The following KAT6B variants were observed in gnomAD, a reference collection of about 807,000 sequenced individuals.
KAT6B encodes histone acetyltransferase KAT6B.
A neutral mutation model predicts 187.5 loss-of-function variants in KAT6B; 10 were observed. That is an observed-to-expected ratio of 0.05 (90% confidence interval 0.03 to 0.09). The LOEUF (loss-of-function observed/expected upper bound fraction) is 0.09. KAT6B is among the 10% of genes least tolerant of loss of function. KAT6B has a pLI of 1.00. For synonymous variants in KAT6B, 861 were observed against 926.8 expected (o/e 0.93, Z 1.29); for missense variants, 1,952 against 2,558.9 (o/e 0.76, Z 5.12).
intron 4 of KAT6B, among the ~76,000 whole-genome samples, chr10:74,964,983 T>G (rs1424383222): frequency 6.6e-6 from 1 of 152,252 alleles, no homozygotes; most frequent in Non-Finnish European, 1.5e-5. Flanking sequence ...TTCACCCTTT[T>G]TCCTCCAATC....
chr10:74,827,130 G>C (rs1177061754), intron 1 of KAT6B: 2 of 152,542 alleles, frequency 1.3e-5, no homozygotes, highest in Non-Finnish European at 2.9e-5. Context: ...AGCGGTGGGG[G>C]GCCGGCGAGG....
Position 75,020,778 on chromosome 10 carries a change from G to A in KAT6B, c.2826G>A (p.Leu942=). Residue 942 remains leucine, a synonymous_variant, in exon 14 of 18, where the codon CTG becomes CTA. Transcript: ENST00000287239. ...GMCPHDIATT[L]QHLHMIDKRD... ...GCCCACATGACATTGCCACCACTCT[G>A]CAGCACCTCCACATGATCGACAAGA... is the stretch of plus-strand genomic sequence containing the variant. The A allele has an allele frequency of 6.2e-7, 1 of 1,614,170 alleles. No individual in the cohort carries two copies. The highest frequency in any genetic ancestry group is 8.5e-7 in the Non-Finnish European group (1 of 1,180,030).
intron 3 of KAT6B, among the ~76,000 whole-genome samples, chr10:74,854,821 A>C (rs1368161516): frequency 1.3e-5 from 2 of 152,220 alleles, no homozygotes; most frequent in African/African-American, 4.8e-5. Context: ...TATTAGAAAC[A>C]GCATAGGCGT....
At chr10:75,012,603 C>T (rs559183849) in intron 13 of KAT6B, among the ~76,000 whole-genome samples, 8 of 152,298 alleles carry the variant, frequency 5.3e-5, no homozygotes, top group African/African-American at 1.4e-4. Context: ...CAGAGGTCTA[C>T]GCTTCTCAAC....
chr10:74,842,624 T>TTCTTC lies in KAT6B; in HGVS notation c.-233_-229dup. Reference sequence around the variant, plus strand: ...GGTCTTGATTTCCCAGTTAAAGATGTTCTTCACCCGAATGCAGTCTTTCCT... The same window carrying TTCTTC: ...GGTCTTGATTTCCCAGTTAAAGATGTTCTTCTCTTCACCCGAATGCAGTCTTTCCT... On this transcript the variant is annotated 5_prime_UTR_variant, in exon 3 of 18. The change abolishes the stop of an existing upstream ORF in the 5' untranslated region. Coordinates refer to ENST00000287239, the MANE Select transcript of KAT6B (RefSeq NM_012330.4). 3.3e-6 allele frequency: 2 copies of TTCTTC among 605,326 alleles called. No individual in the cohort carries two copies. 37.5% of individuals were successfully genotyped at this position (605,326 alleles called of 1,614,324 possible).
At chr10:74,883,312 A>G (rs1004128871) in intron 3 of KAT6B, among the ~76,000 whole-genome samples, 5 of 152,188 alleles carry the variant, frequency 3.3e-5, no homozygotes, top group African/African-American at 1.2e-4. Flanking sequence ...GAGAAGATAC[A>G]GTTTGATTTC....
chr10:74,949,811 G>A (rs1307522642), intron 3 of KAT6B, among the ~76,000 whole-genome samples: 3 of 152,080 alleles, frequency 2.0e-5, no homozygotes, highest in African/African-American at 7.2e-5. Context: ...AAAAAGAAGC[G>A]ATGTATTTTA....
intron 13 of KAT6B, among the ~76,000 whole-genome samples, chr10:75,016,642 G>A (rs1036990023): frequency 6.6e-6 from 1 of 152,190 alleles, no homozygotes; most frequent in African/African-American, 2.4e-5. Flanking sequence ...TTTCACCAGC[G>A]ATTAATTATA....
intron 3 of KAT6B, among the ~76,000 whole-genome samples, chr10:74,870,875 C>A (rs1321998603): frequency 1.3e-5 from 2 of 149,968 alleles, no homozygotes; most frequent in Non-Finnish European, 3.0e-5. Context: ...CCATGCCTGG[C>A]GTTTTTTTGT....
intron 3 of KAT6B, among the ~76,000 whole-genome samples, chr10:74,881,580 G>C (rs1844854565): frequency 6.6e-6 from 1 of 152,144 alleles, no homozygotes; most frequent in Admixed American, 6.5e-5. Flanking sequence ...GAAAACAATT[G>C]CATGTTGTCT....
intron 3 of KAT6B, among the ~76,000 whole-genome samples, chr10:74,864,470 A>G (rs534957215): frequency 6.6e-6 from 1 of 152,080 alleles, no homozygotes; most frequent in African/African-American, 2.4e-5. Flanking sequence ...CGAACTCCTG[A>G]CCTCAAGTCT....
intron 3 of KAT6B, among the ~76,000 whole-genome samples, chr10:74,899,248 AATTATT>A (rs67324777): frequency 0.098 from 14,011 of 142,254 alleles, 1,203 homozygotes; most frequent in African/African-American, 0.23. Flanking sequence ...ATTCTAAATG[AATTATT>A]ATTATTATTA....
Position 74,988,148 on chromosome 10 carries a change from A to G in KAT6B, c.2536-871A>G, listed in dbSNP as rs1284732953. 2.6e-5 allele frequency among the ~76,000 whole-genome samples: 4 copies of G among 152,278 alleles called. No homozygotes were observed. In the East Asian group the frequency reaches 5.8e-4, roughly 22 times the overall value. ...GAAGTAATTCTTTGGTGTGGTCTGTACCATTTGTGGTCAGTCTTATTTGTG... is the reference window on the plus strand; with the variant it reads ...GAAGTAATTCTTTGGTGTGGTCTGTGCCATTTGTGGTCAGTCTTATTTGTG... On this transcript the variant is annotated intron_variant, in intron 12 of 17. Coordinates refer to ENST00000287239, the MANE Select transcript of KAT6B (RefSeq NM_012330.4).
At position 74,970,087 on chromosome 10, in the gene KAT6B, C is replaced by G; in HGVS notation, c.914C>G (p.Ser305Cys). 6.2e-7 allele frequency: 1 copy of G among 1,610,402 alleles called. No homozygotes were observed. Among genetic ancestry groups the G allele is most frequent in the Non-Finnish European group, 8.5e-7 (1 of 1,176,770 alleles). ...ATGGAATGCTGTGACCCACCACTTT[C>G]CAGAATGCCAAAAGGTGAACTTCTA... is the stretch of plus-strand genomic sequence containing the variant. The part of the protein sequence containing the change: ...FHMECCDPPL[S>C]RMPKGMWICQ... The change falls in exon 6 of 18, where the codon TCC becomes TGC. Residue 305 changes from serine to cysteine, a missense_variant. Ser to Cys is a moderately radical substitution (Grantham distance 112, BLOSUM62 -1). Around this residue, in one of 9 missense-constraint regions of KAT6B, gnomAD observed 417 missense variants for 508.9 expected, o/e 0.82. Transcript: ENST00000287239.
At chr10:74,868,157 G>C (rs1433319841) in intron 3 of KAT6B, among the ~76,000 whole-genome samples, 3 of 152,108 alleles carry the variant, frequency 2.0e-5, no homozygotes, top group African/African-American at 7.2e-5. Flanking sequence ...TTTTTATCAT[G>C]CATGCTTAAT....
chr10:74,839,013 C>T (rs1412085936), intron 2 of KAT6B, among the ~76,000 whole-genome samples: 3 of 151,632 alleles, frequency 2.0e-5, no homozygotes, highest in Admixed American at 6.6e-5. Flanking sequence ...ATTAGCTGGG[C>T]GTGGTGGTGG....
intron 3 of KAT6B, among the ~76,000 whole-genome samples, chr10:74,844,475 A>G (rs1260681723): frequency 6.6e-6 from 1 of 152,260 alleles, no homozygotes; most frequent in African/African-American, 2.4e-5. Flanking sequence ...TTGGGATTAC[A>G]GGCGTGAGAC....
chr10:74,838,001 A>C (rs1473508602), intron 1 of KAT6B, among the ~76,000 whole-genome samples: 2 of 151,906 alleles, frequency 1.3e-5, no homozygotes, highest in Non-Finnish European at 2.9e-5. Flanking sequence ...TGGCTGGGGG[A>C]GGGGAGAAGG....
chr10:74,916,293 C>A (rs972849572), intron 3 of KAT6B, among the ~76,000 whole-genome samples: 2 of 152,142 alleles, frequency 1.3e-5, no homozygotes, highest in African/African-American at 2.4e-5. Flanking sequence ...ATCTATAGTT[C>A]CAAATGTTTT....
Sources: allele counts gnomAD v4.1 joint callset (sites outside exome capture counted in the v4.1 genomes callset), GRCh38; gene constraint gnomAD v4.1.1; regional missense constraint gnomAD v4.1.1; transcripts MANE v1.5; gene names NCBI Gene and HGNC (gene_info 2026-07-23, HGNC 2026-07-21).